ROBO1: variants seen among roughly 807,000 people sequenced by gnomAD.
ROBO1 encodes the protein roundabout homolog 1.
A neutral mutation model predicts 195.9 loss-of-function variants in ROBO1; 149 were observed. The observed-to-expected ratio is 0.76, with a 90% confidence interval of 0.67 to 0.87. ROBO1 has a LOEUF of 0.87. Among genes scored for constraint, ROBO1 ranks in the 40% least tolerant of loss-of-function variants. The pLI is 0.00. For missense variants in ROBO1, 1,933 were observed against 2,068.3 expected (o/e 0.93, Z 1.27); for synonymous variants, 816 against 733.2 (o/e 1.11, Z -1.82).
At chr3:78,950,027 A>C (rs1034425029) in intron 3 of ROBO1, among the ~76,000 whole-genome samples, 19 of 152,130 alleles carry the variant, frequency 1.2e-4, no homozygotes, top group Non-Finnish European at 2.4e-4. Context: ...GCTGGAGAGG[A>C]TGTGGAGAAA....
chr3:78,668,200 G>A lies in ROBO1; in HGVS notation c.1733C>T (p.Thr578Ile). The A allele has an allele frequency of 6.2e-7, 1 of 1,613,528 alleles. No individual in the cohort carries two copies. The highest frequency in any genetic ancestry group is 8.5e-7 in the Non-Finnish European group (1 of 1,179,498). Residue 578 changes from threonine to isoleucine, a missense_variant, in exon 13 of 31, where the codon ACA becomes ATA. Coordinates refer to ENST00000464233, the MANE Select transcript of ROBO1 (RefSeq NM_002941.4). The part of the protein sequence containing the change: ...EVTDVSRNTV[T>I]LSWQPNLNSG... ...ATTCAAATTTGGTTGCCACGATAAT[G>A]TGACTGTATTTCTGCTGACATCTGT...
At chr3:78,800,469 A>G (rs2084331628) in intron 4 of ROBO1, among the ~76,000 whole-genome samples, 1 of 152,240 alleles carries the variant, frequency 6.6e-6, no homozygotes, top group Non-Finnish European at 1.5e-5. Context: ...CTGTCAGAAT[A>G]GGATGACTTA....
chr3:79,036,260 G>T (rs2078379683), intron 3 of ROBO1, among the ~76,000 whole-genome samples: 1 of 151,536 alleles, frequency 6.6e-6, no homozygotes, highest in African/African-American at 2.4e-5. Flanking sequence ...GTAAATAAAT[G>T]ATCATTTATA....
chr3:79,284,041 G>A (rs1160937172), intron 2 of ROBO1, among the ~76,000 whole-genome samples: 1 of 151,662 alleles, frequency 6.6e-6, no homozygotes, highest in Middle Eastern at 3.2e-3. Context: ...TAAGTTCTGG[G>A]TCGCTGGTGG....
rs117474500 is a variant in ROBO1 at position 79,440,677 on chromosome 3, G to A, written c.88+149147C>T. On this transcript the variant is annotated intron_variant, in intron 2 of 30. Transcript: ENST00000464233. ...CTCCCTTGAACCATAGATACTGTGG[G>A]ACTAAGTTTTCTATCCTTAGAACCA... Among the ~76,000 whole-genome samples, 84 of 152,182 alleles carry A rather than the reference G, an allele frequency of 5.5e-4. No homozygotes were observed. In the East Asian group the frequency reaches 0.015, roughly 27 times the overall value.
At chr3:79,758,936 T>C (rs1260617267) in intron 1 of ROBO1, among the ~76,000 whole-genome samples, 1 of 152,182 alleles carries the variant, frequency 6.6e-6, no homozygotes, top group African/African-American at 2.4e-5. Flanking sequence ...ACAAAAACCA[T>C]TAACTGGAAG....
chr3:78,833,889 A>T (rs1188354000), intron 4 of ROBO1, among the ~76,000 whole-genome samples: 1 of 152,184 alleles, frequency 6.6e-6, no homozygotes. Flanking sequence ...TCAGAGTAAA[A>T]GCACCAACAA....
intron 2 of ROBO1, among the ~76,000 whole-genome samples, chr3:79,489,961 C>T (rs1245071380): frequency 6.6e-6 from 1 of 152,180 alleles, no homozygotes; most frequent in Non-Finnish European, 1.5e-5. Context: ...GGCATCTCTT[C>T]TGAGGATACA....
intron 2 of ROBO1, among the ~76,000 whole-genome samples, chr3:79,383,230 T>C (rs1006142524): frequency 2.6e-5 from 4 of 152,124 alleles, no homozygotes; most frequent in Non-Finnish European, 5.9e-5. Context: ...CTACCTGAAA[T>C]GCTGCATAGA....
chr3:79,426,929 T>C (rs1285721749), intron 2 of ROBO1, among the ~76,000 whole-genome samples: 1 of 152,190 alleles, frequency 6.6e-6, no homozygotes, highest in Non-Finnish European at 1.5e-5. Flanking sequence ...ATTGTTATGA[T>C]CAGTCTTATA....
chr3:79,502,846 A>T (rs1226140345), intron 2 of ROBO1, among the ~76,000 whole-genome samples: 1 of 152,078 alleles, frequency 6.6e-6, no homozygotes, highest in Non-Finnish European at 1.5e-5. Flanking sequence ...GTATCTAGCT[A>T]ATCTAGTGGG....
At chr3:79,433,749 C>T (rs4296553) in intron 2 of ROBO1, among the ~76,000 whole-genome samples, 79,902 of 151,918 alleles carry the variant, frequency 0.53, 21,079 homozygotes, top group East Asian at 0.62. Context: ...GCCAAGACAA[C>T]CCTAAGCCAA....
rs149535442 is a variant in ROBO1 at position 79,748,892 on chromosome 3, C to T, written c.-51+18860G>A. Among the ~76,000 whole-genome samples, 810 of 152,244 alleles carry T rather than the reference C, an allele frequency of 5.3e-3. 8 individuals carry two copies. The highest frequency in any genetic ancestry group is 8.8e-3 in the Non-Finnish European group (597 of 68,026). Reference sequence around the variant, plus strand: ...TTCTTCCCAGTCTCAGGCATGTCTTCATCAGCAGCATAAAAACAGACTAAT... The same window carrying T: ...TTCTTCCCAGTCTCAGGCATGTCTTTATCAGCAGCATAAAAACAGACTAAT... On this transcript the variant is annotated intron_variant, in intron 1 of 30. Transcript: ENST00000464233.
chr3:78,748,642 CT>C (rs1267422812), intron 4 of ROBO1, among the ~76,000 whole-genome samples: 2 of 151,932 alleles, frequency 1.3e-5, no homozygotes, highest in East Asian at 1.9e-4. Context: ...CACTCTTAAA[CT>C]TTTTTTCAAA....
intron 4 of ROBO1, among the ~76,000 whole-genome samples, chr3:78,860,277 A>C (rs2034733587): frequency 6.9e-6 from 1 of 145,624 alleles, no homozygotes; most frequent in Admixed American, 6.9e-5. Flanking sequence ...CAAAAGTAAA[A>C]ATTTGAGAGG....
rs532657111 is a variant in ROBO1 at position 78,611,555 on chromosome 3, C to T, written c.4435+3093G>A. 2.0e-3 allele frequency among the ~76,000 whole-genome samples: 302 copies of T among 152,290 alleles called. 4 individuals carry two copies. The highest frequency in any genetic ancestry group is 6.9e-3 in the African/African-American group (287 of 41,566). On this transcript the variant is annotated intron_variant, in intron 28 of 30. Coordinates refer to ENST00000464233, the MANE Select transcript of ROBO1 (RefSeq NM_002941.4). ...GTCAGTGTGACTGTAGCATGCAGCACTCTCCTTTGCATCGAGTTCTCCCTG... is the reference window on the plus strand; with the variant it reads ...GTCAGTGTGACTGTAGCATGCAGCATTCTCCTTTGCATCGAGTTCTCCCTG...
intron 2 of ROBO1, among the ~76,000 whole-genome samples, chr3:79,237,211 G>A (rs1478328232): frequency 5.3e-5 from 8 of 152,092 alleles, no homozygotes; most frequent in East Asian, 1.9e-4. Context: ...GGCCGGGCGC[G>A]GTGGCTCACG....
chr3:79,347,904 G>A (rs1216423424), intron 2 of ROBO1, among the ~76,000 whole-genome samples: 9 of 152,090 alleles, frequency 5.9e-5, no homozygotes, highest in Admixed American at 4.6e-4. Flanking sequence ...ATGTAGTACC[G>A]TATTATGAAT....
intron 2 of ROBO1, among the ~76,000 whole-genome samples, chr3:79,536,661 A>G (rs1157843845): frequency 7.0e-6 from 1 of 143,422 alleles, no homozygotes; most frequent in Non-Finnish European, 1.5e-5. Flanking sequence ...ATATTCATGA[A>G]ACAATATCAA....
Sources: gnomAD v4.1 joint callset for allele counts (sites outside exome capture counted in the v4.1 genomes callset) on GRCh38, gnomAD v4.1.1 for gene constraint, MANE v1.5 for transcripts, NCBI Gene and HGNC (gene_info 2026-07-23, HGNC 2026-07-21) for gene names.